SPON1: variants seen among roughly 807,000 people sequenced by gnomAD.
SPON1 encodes the protein spondin-1.
SPON1 carries 52 observed loss-of-function variants against 111.7 expected under a neutral mutation model. That is an observed-to-expected ratio of 0.47 (90% CI 0.37 to 0.59). SPON1 has a LOEUF of 0.59. SPON1 is among the 20% of genes least tolerant of loss of function. The pLI, the probability that SPON1 is intolerant of heterozygous loss-of-function variation, is 0.00. For missense variants in SPON1, 957 were observed against 1,068.5 expected, an observed-to-expected ratio of 0.90 and a Z score of 1.46; for synonymous variants, 410 against 395.8, an observed-to-expected ratio of 1.04 and a Z score of -0.43.
At chr11:13,978,385 C>A (rs548243270) in intron 1 of SPON1, among the ~76,000 whole-genome samples, 11 of 152,170 alleles carry the variant, frequency 7.2e-5, no homozygotes, top group Admixed American at 4.6e-4. Context: ...TAGGAACACT[C>A]AAGTAAATTT....
intron 5 of SPON1, among the ~76,000 whole-genome samples, chr11:14,113,794 C>G (rs1435267307): frequency 6.6e-6 from 1 of 151,204 alleles, no homozygotes; most frequent in African/African-American, 2.4e-5. Context: ...TTAGTAGAGA[C>G]GGGGTTTCAC....
chr11:14,090,289 G>T (rs1255102354), intron 5 of SPON1, among the ~76,000 whole-genome samples: 2 of 151,902 alleles, frequency 1.3e-5, no homozygotes, highest in Admixed American at 6.6e-5. Context: ...GGCCCTGGAC[G>T]TGTAGGCACA....
At chr11:14,190,829 T>C (rs1554934477) in intron 6 of SPON1, among the ~76,000 whole-genome samples, 1 of 151,782 alleles carries the variant, frequency 6.6e-6, no homozygotes, top group Non-Finnish European at 1.5e-5. Context: ...TTAGTAGAGG[T>C]GGGGTTTCAC....
chr11:14,120,624 C>T (rs1554926411), intron 5 of SPON1, among the ~76,000 whole-genome samples: 1 of 152,176 alleles, frequency 6.6e-6, no homozygotes, highest in Non-Finnish European at 1.5e-5. Context: ...AACTGACCAC[C>T]TCACTTTAAA....
chr11:14,127,022 A>G (rs1358462084), intron 5 of SPON1, among the ~76,000 whole-genome samples: 16 of 151,980 alleles, frequency 1.1e-4, no homozygotes, highest in African/African-American at 1.4e-4. Flanking sequence ...CAATCACCCA[A>G]TCAGATTCTC....
At chr11:14,113,326 C>A (rs1366644386) in intron 5 of SPON1, among the ~76,000 whole-genome samples, 2 of 152,226 alleles carry the variant, frequency 1.3e-5, no homozygotes. Context: ...CAATGGGCTG[C>A]AAGTTTCAGA....
intron 5 of SPON1, among the ~76,000 whole-genome samples, chr11:14,120,253 A>G (rs1849295235): frequency 6.6e-6 from 1 of 152,176 alleles, no homozygotes; most frequent in Admixed American, 6.5e-5. Flanking sequence ...TTCCCAGGGT[A>G]ATATTTATGC....
At chr11:14,066,316 C>T (rs562883778) in intron 3 of SPON1, among the ~76,000 whole-genome samples, 178 of 152,228 alleles carry the variant, frequency 1.2e-3, no homozygotes, top group African/African-American at 3.9e-3. Context: ...AGACAAATAT[C>T]TCTTTGCAAG....
chr11:14,173,672 G>A (rs782211541), intron 6 of SPON1, among the ~76,000 whole-genome samples: 4 of 152,032 alleles, frequency 2.6e-5, no homozygotes, highest in Non-Finnish European at 5.9e-5. Flanking sequence ...TGGGTTTTTG[G>A]TGCAGATGTC....
intron 3 of SPON1, among the ~76,000 whole-genome samples, chr11:14,066,508 CTATT>C (rs1488857353): frequency 5.3e-5 from 8 of 152,138 alleles, no homozygotes; most frequent in African/African-American, 1.7e-4. Context: ...CTCCTGCAGC[CTATT>C]TATTTCATTC....
intron 6 of SPON1, among the ~76,000 whole-genome samples, chr11:14,218,612 T>A (rs1041911122): frequency 6.6e-6 from 1 of 151,782 alleles, no homozygotes; most frequent in Non-Finnish European, 1.5e-5. Context: ...AGGCATACCC[T>A]AGCAGCCAGT....
rs146208735 is a variant in SPON1, at chr11:14,181,061, G to T, written c.825+45493G>T. On this transcript the variant is annotated intron_variant, in intron 6 of 15. Coordinates refer to ENST00000576479, the MANE Select transcript of SPON1 (RefSeq NM_006108.4). ...AACATGGCCCCACACTGTCCCTCAAGTGGCCATCAGCCCGAAGACACTGGG... is the reference window on the plus strand; with the variant it reads ...AACATGGCCCCACACTGTCCCTCAATTGGCCATCAGCCCGAAGACACTGGG... Among the ~76,000 whole-genome samples the T allele has an allele frequency of 4.3e-4, 65 of 152,258 alleles. No individual in the cohort carries two copies. The East Asian group carries it at 0.012, about 29-fold the overall frequency.
At chr11:14,105,425 T>C (rs1288797780) in intron 5 of SPON1, among the ~76,000 whole-genome samples, 1 of 152,186 alleles carries the variant, frequency 6.6e-6, no homozygotes, top group African/African-American at 2.4e-5. Flanking sequence ...ATACTACCAT[T>C]GTTTACTCCT....
intron 6 of SPON1, among the ~76,000 whole-genome samples, chr11:14,136,479 G>A (rs1017780174): frequency 6.6e-6 from 1 of 152,200 alleles, no homozygotes; most frequent in Admixed American, 6.5e-5. Context: ...AGGAGGCTAA[G>A]AAAACACCAG....
At chr11:14,005,430 A>G (rs1848351856) in intron 2 of SPON1, among the ~76,000 whole-genome samples, 2 of 152,202 alleles carry the variant, frequency 1.3e-5, no homozygotes, top group Non-Finnish European at 1.5e-5. Context: ...CTTTCTCTGC[A>G]CAATTAGACT....
chr11:14,007,318 TC>T (rs1848369940), intron 2 of SPON1, among the ~76,000 whole-genome samples: 1 of 152,088 alleles, frequency 6.6e-6, no homozygotes, highest in African/African-American at 2.4e-5. Context: ...AATCACAGGG[TC>T]CCACAATCAG....
chr11:14,160,768 ATT>A (rs1847924166), intron 6 of SPON1, among the ~76,000 whole-genome samples: 1 of 47,464 alleles, frequency 2.1e-5, no homozygotes, highest in Non-Finnish European at 3.6e-5. Flanking sequence ...ATATTTATAT[ATT>A]TATATATATT....
At chr11:14,166,723 T>C (rs1027775049) in intron 6 of SPON1, among the ~76,000 whole-genome samples, 9 of 152,170 alleles carry the variant, frequency 5.9e-5, no homozygotes, top group African/African-American at 2.2e-4. Context: ...CACTAAATTA[T>C]ACTAACATTA....
intron 5 of SPON1, among the ~76,000 whole-genome samples, chr11:14,103,316 G>A (rs1849158340): frequency 6.6e-6 from 1 of 152,206 alleles, no homozygotes. Context: ...TGTATACCCA[G>A]TGAAGGCTGG....
Sources: gnomAD v4.1 joint callset for allele counts (sites outside exome capture counted in the v4.1 genomes callset) on GRCh38, gnomAD v4.1.1 for gene constraint, MANE v1.5 for transcripts, NCBI Gene and HGNC (gene_info 2026-07-23, HGNC 2026-07-21) for gene names.